The following SMYD4 variants were observed in gnomAD, a reference collection of about 807,000 sequenced individuals.
SMYD4 encodes the protein protein-lysine N-methyltransferase SMYD4.
In SMYD4, 68 loss-of-function variants were observed where a neutral mutation model predicts 72.8. The observed-to-expected ratio is 0.93, with a 90% CI of 0.77 to 1.14. SMYD4 has a LOEUF of 1.14. Among genes scored for constraint, SMYD4 ranks in the 50% most tolerant of loss-of-function variants. The pLI is 0.00. For missense variants in SMYD4, 984 were observed against 1,003.7 expected, an observed-to-expected ratio of 0.98 and a Z score of 0.27; for synonymous variants, 407 against 388.6, an observed-to-expected ratio of 1.05 and a Z score of -0.56.
intron 5 of SMYD4, among the ~76,000 whole-genome samples, chr17:1,798,113 C>T (rs1486161845): frequency 6.6e-6 from 1 of 151,854 alleles, no homozygotes; most frequent in African/African-American, 2.4e-5. Flanking sequence ...AACTATATAG[C>T]TTTCTCTGGA....
At chr17:1,799,527 G>A (rs533136297) in intron 5 of SMYD4, among the ~76,000 whole-genome samples, 1 of 151,792 alleles carries the variant, frequency 6.6e-6, no homozygotes, top group Non-Finnish European at 1.5e-5. Flanking sequence ...GTACCACCAT[G>A]CCCAGCTAAT....
chr17:1,783,540 A>G (rs1908491507), intron 8 of SMYD4, 64 bp from the exon 9 acceptor site: 1 of 1,544,840 alleles, frequency 6.5e-7, no homozygotes, highest in Non-Finnish European at 8.7e-7. Context: ...ATGAGAATCC[A>G]GGTCTCAAAT....
At chr17:1,781,603 A>G (rs1908367891) in intron 10 of SMYD4, 164 bp from the exon 11 acceptor site, 5 of 702,744 alleles carry the variant, frequency 7.1e-6, no homozygotes, top group Non-Finnish European at 8.8e-6. Context: ...CTGCAAAACA[A>G]AAGTGTGAGA....
At chr17:1,796,262 T>A (rs1359234390) in intron 5 of SMYD4, among the ~76,000 whole-genome samples, 1 of 149,924 alleles carries the variant, frequency 6.7e-6, no homozygotes, top group Non-Finnish European at 1.5e-5. Flanking sequence ...GCTTCCCAAG[T>A]AGCTGGGACC....
chr17:1,828,942 C>T (rs1195084926), intron 1 of SMYD4, among the ~76,000 whole-genome samples: 1 of 150,398 alleles, frequency 6.6e-6, no homozygotes, highest in Non-Finnish European at 1.5e-5. Flanking sequence ...ATTTTTCTTT[C>T]TCACCCACCC....
intron 3 of SMYD4, among the ~76,000 whole-genome samples, chr17:1,805,312 G>A (rs1306626823): frequency 6.6e-6 from 1 of 152,098 alleles, no homozygotes; most frequent in African/African-American, 2.4e-5. Flanking sequence ...CAGCTACTTG[G>A]GAGGCTGAGG....
intron 8 of SMYD4, 114 bp downstream of exon 8, chr17:1,784,212 G>T: frequency 1.3e-6 from 2 of 1,487,546 alleles, no homozygotes; most frequent in East Asian, 2.3e-5. Flanking sequence ...TGGCTGGCAT[G>T]GGGATAATTA....
intron 2 of SMYD4, among the ~76,000 whole-genome samples, chr17:1,825,349 T>C (rs1416727794): frequency 6.6e-6 from 1 of 151,880 alleles, no homozygotes; most frequent in African/African-American, 2.4e-5. Flanking sequence ...TATACCTCAA[T>C]AAAGATGGAG....
At chr17:1,809,824 C>A (rs1414743391) in intron 3 of SMYD4, among the ~76,000 whole-genome samples, 1 of 152,044 alleles carries the variant, frequency 6.6e-6, no homozygotes, top group Admixed American at 6.6e-5. Flanking sequence ...CGCCCGCCAC[C>A]GTGCCCGGCT....
chr17:1,789,932 T>C (rs552807656), intron 5 of SMYD4, among the ~76,000 whole-genome samples: 3 of 152,252 alleles, frequency 2.0e-5, no homozygotes, highest in East Asian at 3.9e-4. Context: ...TTCTACAAAT[T>C]GTATTAAAAT....
At chr17:1,826,857 G>T (rs1911205575) in intron 2 of SMYD4, among the ~76,000 whole-genome samples, 1 of 151,886 alleles carries the variant, frequency 6.6e-6, no homozygotes, top group Non-Finnish European at 1.5e-5. Context: ...TTTGTCTATA[G>T]AAAGACAAAC....
At chr17:1,808,420 G>C (rs1015157752) in intron 3 of SMYD4, among the ~76,000 whole-genome samples, 2 of 152,076 alleles carry the variant, frequency 1.3e-5, no homozygotes, top group African/African-American at 2.4e-5. Flanking sequence ...ACGTATTTTC[G>C]GAGGAAAAAG....
At chr17:1,818,564 T>C (rs965014116) in intron 2 of SMYD4, among the ~76,000 whole-genome samples, 1 of 152,250 alleles carries the variant, frequency 6.6e-6, no homozygotes, top group African/African-American at 2.4e-5. Context: ...TGTATCTTTT[T>C]CTCACCCTAA....
At chr17:1,823,176 C>T (rs1234056691) in intron 2 of SMYD4, among the ~76,000 whole-genome samples, 1 of 149,984 alleles carries the variant, frequency 6.7e-6, no homozygotes, top group Non-Finnish European at 1.5e-5. Flanking sequence ...CAAGACCATC[C>T]TGGCTAACGT....
At chr17:1,785,923 G>A (rs1028548649) in intron 7 of SMYD4, among the ~76,000 whole-genome samples, 4 of 152,194 alleles carry the variant, frequency 2.6e-5, no homozygotes, top group African/African-American at 9.7e-5. Context: ...TGGCAGAGGG[G>A]AAACCTCCGA....
chr17:1,791,897 A>C (rs1909051040), intron 5 of SMYD4, among the ~76,000 whole-genome samples: 1 of 152,134 alleles, frequency 6.6e-6, no homozygotes, highest in Non-Finnish European at 1.5e-5. Context: ...AAAAACAAAC[A>C]AAAAACCACT....
chr17:1,811,739 CA>C (rs1278551367), intron 3 of SMYD4, among the ~76,000 whole-genome samples: 1 of 152,136 alleles, frequency 6.6e-6, no homozygotes, highest in East Asian at 1.9e-4. Flanking sequence ...CCAGCCTGGC[CA>C]ACATGGCGAA....
intron 10 of SMYD4, 109 bp from the exon 11 acceptor site, chr17:1,781,548 G>T: frequency 1.5e-6 from 2 of 1,307,488 alleles, no homozygotes; most frequent in South Asian, 3.0e-5. Context: ...TGTCATCAAG[G>T]ATCCTACAAT....
At chr17:1,818,298 G>GT (rs1661407632) in intron 2 of SMYD4, among the ~76,000 whole-genome samples, 1 of 152,158 alleles carries the variant, frequency 6.6e-6, no homozygotes, top group African/African-American at 2.4e-5. Context: ...TGGCTCCAAA[G>GT]TAGAGTGCAG....
Sources: gnomAD v4.1 joint callset for allele counts (sites outside exome capture counted in the v4.1 genomes callset) on GRCh38, gnomAD v4.1.1 for gene constraint, MANE v1.5 for transcripts, NCBI Gene and HGNC (gene_info 2026-07-23, HGNC 2026-07-21) for gene names.